The following PARD3B variants were observed in gnomAD, a reference collection of about 807,000 sequenced individuals.
PARD3B encodes par-3 family cell polarity regulator beta.
Under a neutral mutation model 130.2 loss-of-function variants are expected in PARD3B, and 103 were observed. That is an observed-to-expected ratio of 0.79 (90% CI 0.67 to 0.93). The LOEUF (loss-of-function observed/expected upper bound fraction) is 0.93, where lower values mean the gene tolerates loss of function less well. Ranked by LOEUF, PARD3B falls within the 40% of genes least tolerant of loss-of-function variation. PARD3B has a pLI of 0.00. For missense variants in PARD3B, 1,609 were observed against 1,499.2 expected (o/e 1.07, Z -1.21); for synonymous variants, 583 against 553.2 (o/e 1.05, Z -0.76).
At chr2:205,086,135 A>G (rs897276271) in intron 4 of PARD3B, among the ~76,000 whole-genome samples, 1 of 152,244 alleles carries the variant, frequency 6.6e-6, no homozygotes, top group Non-Finnish European at 1.5e-5. Flanking sequence ...CCAGCCTTTC[A>G]AGTGAAGGAG....
intron 21 of PARD3B, among the ~76,000 whole-genome samples, chr2:205,535,859 A>G (rs144803842): frequency 9.4e-4 from 143 of 152,212 alleles, no homozygotes; most frequent in Middle Eastern, 3.4e-3. Flanking sequence ...GTGTTGGATC[A>G]TTTTTCTTAG....
At chr2:204,573,102 A>T (rs796707383) in intron 1 of PARD3B, among the ~76,000 whole-genome samples, 2 of 152,158 alleles carry the variant, frequency 1.3e-5, no homozygotes, top group South Asian at 4.1e-4. Flanking sequence ...ATACCATTCA[A>T]TCCATCTGCT....
chr2:204,759,946 A>G (rs914307258), intron 2 of PARD3B, among the ~76,000 whole-genome samples: 13 of 152,106 alleles, frequency 8.5e-5, no homozygotes, highest in Admixed American at 5.9e-4. Flanking sequence ...AAGATTACCT[A>G]TGAATGTTAG....
chr2:204,652,133 T>C (rs190967810), intron 1 of PARD3B, among the ~76,000 whole-genome samples: 3 of 152,028 alleles, frequency 2.0e-5, no homozygotes, highest in African/African-American at 7.2e-5. Context: ...TAGGCTCTTC[T>C]TTACTTATGC....
intron 2 of PARD3B, among the ~76,000 whole-genome samples, chr2:204,904,700 T>C (rs1170529656): frequency 6.6e-6 from 1 of 152,080 alleles, no homozygotes; most frequent in Non-Finnish European, 1.5e-5. Flanking sequence ...TTCTGAACTA[T>C]CCATGAAAGA....
intron 1 of PARD3B, among the ~76,000 whole-genome samples, chr2:204,683,656 G>A (rs1230743990): frequency 6.6e-6 from 1 of 152,134 alleles, no homozygotes; most frequent in Admixed American, 6.5e-5. Flanking sequence ...TATTAACCCT[G>A]AGACTGATTT....
In PARD3B at chr2:205,470,327, T is replaced by G. The variant is rs2048780985; in HGVS notation, c.3045-29569T>G. On this transcript the variant is annotated intron_variant, in intron 20 of 22. Coordinates refer to ENST00000406610, the MANE Select transcript of PARD3B (RefSeq NM_001302769.2). This position sits in a 1 kb window ranked among gnomAD's most constrained non-coding sequence, Gnocchi z 4.8. ...TTAAATCTTTAATGTCATTATCATT[T>G]GTTTCACAACCCTCTTAGCTCCTGT... is the stretch of plus-strand genomic sequence containing the variant. Among the ~76,000 whole-genome samples, 2 of 152,192 alleles carry G rather than the reference T, an allele frequency of 1.3e-5. No homozygotes were observed.
At chr2:205,242,342 T>G (rs149538618) in intron 15 of PARD3B, among the ~76,000 whole-genome samples, 41 of 152,312 alleles carry the variant, frequency 2.7e-4, no homozygotes, top group African/African-American at 7.0e-4. Context: ...AGAAGATAAT[T>G]TGTTAAGCCT....
At position 204,728,804 on chromosome 2, in the gene PARD3B, G is replaced by T. The variant is rs1292111635; in HGVS notation, c.222+42522G>T. On this transcript the variant is annotated intron_variant, in intron 2 of 22. Coordinates refer to ENST00000406610, the MANE Select transcript of PARD3B (RefSeq NM_001302769.2). ...CTGTGATCTTTCTGCTTTTTCAGTTGTCTTTTCTTCTAATTTAAGGCTATT... is the reference window on the plus strand; with the variant it reads ...CTGTGATCTTTCTGCTTTTTCAGTTTTCTTTTCTTCTAATTTAAGGCTATT... Among the ~76,000 whole-genome samples, 4 of 152,234 alleles carry T rather than the reference G, an allele frequency of 2.6e-5. No homozygotes were observed. In the East Asian group the frequency reaches 5.8e-4, roughly 22 times the overall value.
intron 1 of PARD3B, among the ~76,000 whole-genome samples, chr2:204,559,438 A>C (rs1169244157): frequency 6.6e-6 from 1 of 152,242 alleles, no homozygotes; most frequent in Non-Finnish European, 1.5e-5. Flanking sequence ...ACATGAAATA[A>C]TGCTTGTCAT....
chr2:204,817,164 C>T (rs981747692), intron 2 of PARD3B, among the ~76,000 whole-genome samples: 5 of 151,928 alleles, frequency 3.3e-5, no homozygotes, highest in African/African-American at 1.2e-4. Flanking sequence ...TCTACTAATT[C>T]TCACATTTTT....
intron 16 of PARD3B, among the ~76,000 whole-genome samples, chr2:205,283,478 G>A (rs1490971731): frequency 2.0e-5 from 3 of 152,094 alleles, no homozygotes; most frequent in African/African-American, 7.2e-5. Flanking sequence ...TGTATAGACA[G>A]AGTCTCACTT....
Position 205,513,995 on chromosome 2 carries a change from A to C in PARD3B, c.3180+13964A>C, listed in dbSNP as rs370691799. On this transcript the variant is annotated intron_variant, in intron 21 of 22. Coordinates refer to ENST00000406610, the MANE Select transcript of PARD3B (RefSeq NM_001302769.2). ...GTCCGCCTCCAAAGTAAGCTACTAA[A>C]TCTAAACAATTGCCCTTTGTAATTT... Among the ~76,000 whole-genome samples, 19 of 152,234 alleles carry C rather than the reference A, an allele frequency of 1.2e-4. No individual in the cohort carries two copies. In the East Asian group the frequency reaches 1.4e-3, roughly 11 times the overall value.
chr2:204,908,699 A>G (rs1395120179), intron 2 of PARD3B, among the ~76,000 whole-genome samples: 1 of 152,316 alleles, frequency 6.6e-6, no homozygotes, highest in Non-Finnish European at 1.5e-5. Context: ...TCCTTGCATA[A>G]TTTTAGAATC....
At position 205,021,167 on chromosome 2, in the gene PARD3B, C is replaced by T. The variant is rs1696571023; in HGVS notation, c.395-26414C>T. On this transcript the variant is annotated intron_variant, in intron 3 of 22. Transcript: ENST00000406610. This position sits in a 1 kb window ranked among gnomAD's most constrained non-coding sequence, Gnocchi z 4.5. ...AGCAAATTGGAATGATTTCATGAAC[C>T]TGTGTAGAGGTCTGCAACTGGAAAG... Among the ~76,000 whole-genome samples the T allele has an allele frequency of 6.6e-6, 1 of 152,126 alleles. No individual in the cohort carries two copies. Among genetic ancestry groups the T allele is most frequent in the Admixed American group, 6.6e-5 (1 of 15,258 alleles).
Position 205,455,058 on chromosome 2 carries a change from G to A in PARD3B, c.3044+14386G>A, listed in dbSNP as rs763039621. On this transcript the variant is annotated intron_variant, in intron 20 of 22. Transcript: ENST00000406610. Reference sequence around the variant, plus strand: ...GATAGAACAAAGGAAGACAATAAAGGAAAATCTGTATAGAAGAGACAGCTT... The same window carrying A: ...GATAGAACAAAGGAAGACAATAAAGAAAAATCTGTATAGAAGAGACAGCTT... 5.8e-4 allele frequency among the ~76,000 whole-genome samples: 88 copies of A among 152,080 alleles called. 1 individual carries two copies. The highest frequency in any genetic ancestry group is 9.0e-4 in the Non-Finnish European group (61 of 67,968).
At position 205,235,036 on chromosome 2, in the gene PARD3B, T is replaced by G. The variant is rs921540181; in HGVS notation, c.2141-10742T>G. Among the ~76,000 whole-genome samples, 5 of 152,162 alleles carry G rather than the reference T, an allele frequency of 3.3e-5. 1 individual carries two copies. Among genetic ancestry groups the G allele is most frequent in the Non-Finnish European group, 7.4e-5 (5 of 68,026 alleles). On this transcript the variant is annotated intron_variant, in intron 15 of 22. Coordinates refer to ENST00000406610, the MANE Select transcript of PARD3B (RefSeq NM_001302769.2). ...TAAAAATGTGTGGGATAAGAAAAAT[T>G]GTGAGATGTCACTAAGAGGATAATT...
intron 11 of PARD3B, among the ~76,000 whole-genome samples, chr2:205,168,560 G>GT (rs765354484): frequency 9.9e-5 from 15 of 152,020 alleles, no homozygotes; most frequent in Non-Finnish European, 1.0e-4. Flanking sequence ...GATTTGATGA[G>GT]TTTTTGAATA....
At chr2:204,551,598 T>G (rs988872869) in intron 1 of PARD3B, among the ~76,000 whole-genome samples, 1 of 152,034 alleles carries the variant, frequency 6.6e-6, no homozygotes, top group Admixed American at 6.5e-5. Flanking sequence ...ACACCCTCTG[T>G]GTATAATCCA....
Sources: allele counts gnomAD v4.1 joint callset (sites outside exome capture counted in the v4.1 genomes callset), GRCh38; gene constraint gnomAD v4.1.1; non-coding constraint Gnocchi (gnomAD v3.1); transcripts MANE v1.5; gene names NCBI Gene and HGNC (gene_info 2026-07-23, HGNC 2026-07-21).